ZNF280D: variants seen among roughly 807,000 people sequenced by gnomAD.
ZNF280D encodes suppressor of hairy wing homolog 4.
A neutral mutation model predicts 94.7 loss-of-function variants in ZNF280D; 39 were observed. The observed-to-expected ratio is 0.41, with a 90% CI of 0.32 to 0.54. The LOEUF is 0.54. Ranked by LOEUF, ZNF280D falls within the 20% of genes least tolerant of loss-of-function variation. The pLI is 0.22. For synonymous variants in ZNF280D, 398 were observed against 377.6 expected (o/e 1.05, Z -0.63); for missense variants, 1,090 against 1,149.3 (o/e 0.95, Z 0.75).
At chr15:56,653,312 T>C (rs1295426835) in intron 19 of ZNF280D, 4 of 1,229,978 alleles carry the variant, frequency 3.3e-6, no homozygotes, top group Non-Finnish European at 3.0e-6. Context: ...AACTGACTCA[T>C]AAGCTTAAGA....
chr15:56,634,069 G>C (rs1269205887), intron 21 of ZNF280D: 3 of 152,052 alleles, frequency 2.0e-5, no homozygotes, highest in Non-Finnish European at 2.9e-5. Flanking sequence ...AGTGGGAATG[G>C]AGAAGGAACA....
chr15:56,685,987 T>C (rs1400892180), intron 9 of ZNF280D, among the ~76,000 whole-genome samples: 3 of 151,820 alleles, frequency 2.0e-5, no homozygotes, highest in African/African-American at 7.3e-5. Flanking sequence ...GAGTTGAAAA[T>C]AAAAGACTAA....
rs187187031 is a variant in ZNF280D, at chr15:56,703,836, G to A, written c.175+285C>T. Among the ~76,000 whole-genome samples the A allele has an allele frequency of 9.3e-5, 14 of 150,678 alleles. No individual in the cohort carries two copies. The East Asian group carries it at 2.8e-3, about 30-fold the overall frequency. ...ATCACTGCACTCCAGACTAGCGACAGAGTGAGACCCTGTCTCAAAATAAAT... is the reference window on the plus strand; with the variant it reads ...ATCACTGCACTCCAGACTAGCGACAAAGTGAGACCCTGTCTCAAAATAAAT... On this transcript the variant is annotated intron_variant, in intron 4 of 21. Coordinates refer to ENST00000267807, the MANE Select transcript of ZNF280D (RefSeq NM_017661.4).
Position 56,632,084 on chromosome 15 carries a change from C to T in ZNF280D, c.2354G>A (p.Gly785Glu). The change falls in exon 22 of 22, where the codon GGA becomes GAA. Residue 785 changes from glycine (G) to glutamate (E), a missense_variant. By Grantham distance (98) the Gly-to-Glu change is moderately conservative. This residue lies in a region of ZNF280D where 577 missense variants were observed against 568.8 expected (regional missense o/e 1.01). Transcript: ENST00000267807. ...DKAASSKEKN[G>E]CNANSFEGSS... ...GCCTTCAAATGAATTTGCATTACAT[C>T]CATTTTTTTCTTTTGAAGAAGCAGC... 1 of 1,590,024 alleles carries T rather than the reference C, an allele frequency of 6.3e-7. No homozygotes were observed. Among genetic ancestry groups the T allele is most frequent in the Non-Finnish European group, 8.6e-7 (1 of 1,169,516 alleles).
chr15:56,729,601 G>T (rs1315942964), intron 1 of ZNF280D, among the ~76,000 whole-genome samples: 1 of 152,190 alleles, frequency 6.6e-6, no homozygotes, highest in African/African-American at 2.4e-5. Context: ...GGAAGAGAAT[G>T]ATTTGAAGAT....
chr15:56,638,744 T>C (rs1259381360), intron 20 of ZNF280D, among the ~76,000 whole-genome samples: 3 of 152,158 alleles, frequency 2.0e-5, no homozygotes, highest in African/African-American at 7.2e-5. Context: ...TTTTAAAATA[T>C]CATTATTTCA....
intron 16 of ZNF280D, among the ~76,000 whole-genome samples, chr15:56,659,120 C>A (rs189886366): frequency 7.1e-6 from 1 of 140,122 alleles, no homozygotes; most frequent in African/African-American, 2.7e-5. Context: ...TCCTGGGTAG[C>A]TGAAACTACA....
In ZNF280D at chr15:56,642,980, G is replaced by A. The variant is rs954354165; in HGVS notation, c.2231C>T (p.Pro744Leu). Residue 744 changes from proline (P) to leucine (L), a missense_variant, in exon 20 of 22, where the codon CCC becomes CTC. This residue lies in a region of ZNF280D where 577 missense variants were observed against 568.8 expected (regional missense o/e 1.01). Transcript: ENST00000267807. Reference sequence around the variant, plus strand: ...AGACACAGGTTCTTGTTCCTTTGCGGGAGCTTCTTTTTTTAATCTTGAAAA... The same window carrying A: ...AGACACAGGTTCTTGTTCCTTTGCGAGAGCTTCTTTTTTTAATCTTGAAAA... ...EHLSELKKEAPAKEQEPVSKE... is the reference protein window; with the variant it reads ...EHLSELKKEALAKEQEPVSKE... 6.6e-6 allele frequency: 10 copies of A among 1,507,328 alleles called. No homozygotes were observed. In the African/African-American group the frequency reaches 1.2e-4, roughly 17 times the overall value. The allele number at this position is 1,507,328 out of a possible 1,614,324, so 93.4% of individuals were successfully genotyped here.
At chr15:56,732,036 A>G (rs1038286198) in intron 1 of ZNF280D, among the ~76,000 whole-genome samples, 2 of 152,204 alleles carry the variant, frequency 1.3e-5, no homozygotes, top group African/African-American at 4.8e-5. Context: ...CGAAAGGGCA[A>G]CTGAGTAATG....
intron 14 of ZNF280D, among the ~76,000 whole-genome samples, 175 bp downstream of exon 14, chr15:56,668,648 C>G (rs2054464552): frequency 6.6e-6 from 1 of 152,064 alleles, no homozygotes; most frequent in African/African-American, 2.4e-5. Context: ...ACAGCTATCA[C>G]TGAACTCAAA....
At chr15:56,676,585 A>C in intron 13 of ZNF280D, 85 bp downstream of exon 13, 1 of 1,244,450 alleles carries the variant, frequency 8.0e-7, no homozygotes, top group Non-Finnish European at 1.1e-6. Context: ...CTTCTCTTGC[A>C]GAACAAATCT....
intron 4 of ZNF280D, 32 bp downstream of exon 4, chr15:56,704,089 A>T: frequency 6.2e-7 from 1 of 1,610,602 alleles, no homozygotes; most frequent in Non-Finnish European, 8.5e-7. Context: ...AATACCTTAT[A>T]AAGCTTGGTT....
intron 19 of ZNF280D, chr15:56,653,509 G>A (rs777048919): frequency 8.6e-6 from 13 of 1,518,368 alleles, no homozygotes; most frequent in Middle Eastern, 3.4e-4. Flanking sequence ...TCCTTGGAAA[G>A]AGAGAACAGG....
chr15:56,672,125 A>C (rs1318744690), intron 13 of ZNF280D, among the ~76,000 whole-genome samples: 1 of 152,134 alleles, frequency 6.6e-6, no homozygotes, highest in Non-Finnish European at 1.5e-5. Flanking sequence ...TCATCAGCAA[A>C]CAAAGATAGT....
rs2058727869 is a variant in ZNF280D, at chr15:56,728,319, C to A, written c.-86+5139G>T. On this transcript the variant is annotated intron_variant, in intron 1 of 21. Transcript: ENST00000267807. Reference sequence around the variant, plus strand: ...ACAGGCATAAGCCACCACACCCGGCCTTGATACAACGCTTAAGTGCCCAAG... The same window carrying A: ...ACAGGCATAAGCCACCACACCCGGCATTGATACAACGCTTAAGTGCCCAAG... Among the ~76,000 whole-genome samples, 3 of 152,314 alleles carry A rather than the reference C, an allele frequency of 2.0e-5. No homozygotes were observed. In the South Asian group the frequency reaches 6.2e-4, roughly 32 times the overall value.
intron 6 of ZNF280D, among the ~76,000 whole-genome samples, chr15:56,695,064 CTTTG>C (rs1312675471): frequency 3.3e-4 from 12 of 36,492 alleles, no homozygotes; most frequent in Non-Finnish European, 1.0e-3. Flanking sequence ...GGTTCACTTC[CTTTG>C]TGTGTGTGTG....
intron 6 of ZNF280D, among the ~76,000 whole-genome samples, chr15:56,697,053 C>A (rs1475642559): frequency 6.6e-6 from 1 of 152,072 alleles, no homozygotes; most frequent in East Asian, 1.9e-4. Flanking sequence ...TTTTGTTTTT[C>A]TATTTTTTTC....
Position 56,631,845 on chromosome 15 carries a change from G to C in ZNF280D, c.2593C>G (p.Gln865Glu), listed in dbSNP as rs1185551766. 1 of 1,613,808 alleles carries C rather than the reference G, an allele frequency of 6.2e-7. No individual in the cohort carries two copies. Among genetic ancestry groups the C allele is most frequent in the Non-Finnish European group, 8.5e-7 (1 of 1,180,012 alleles). ...QSSENIILSDQIKDHNSSEAR... is the reference protein window; with the variant it reads ...QSSENIILSDEIKDHNSSEAR... ...TCACTGGAGTTGTGATCTTTAATCT[G>C]ATCAGATAAGATTATGTTTTCTGAA... The change falls in exon 22 of 22, where the codon CAG (glutamine) becomes GAG (glutamate). Residue 865 changes from glutamine (Q) to glutamate (E), a missense_variant. By Grantham distance (29) the Gln-to-Glu change is conservative. Transcript: ENST00000267807.
chr15:56,642,585 C>A (rs2052682141), intron 20 of ZNF280D, among the ~76,000 whole-genome samples: 1 of 151,792 alleles, frequency 6.6e-6, no homozygotes, highest in East Asian at 1.9e-4. Flanking sequence ...AACCTTTTGA[C>A]AGTTAAAATA....
Sources: allele counts gnomAD v4.1 joint callset (sites outside exome capture counted in the v4.1 genomes callset), GRCh38; gene constraint gnomAD v4.1.1; regional missense constraint gnomAD v4.1.1; transcripts MANE v1.5; gene names NCBI Gene and HGNC (gene_info 2026-07-23, HGNC 2026-07-21).